Variants in MALRD1 observed in about 807,000 individuals in gnomAD.
MALRD1 encodes MAM and LDL receptor class A domain containing 1.
In MALRD1, 247 loss-of-function variants were observed where a neutral mutation model predicts 242.1. The ratio of observed to expected loss-of-function variants is 1.02; its 90% CI spans 0.92 to 1.13. MALRD1 has a LOEUF of 1.13. Among genes scored for constraint, MALRD1 ranks in the 50% most tolerant of loss-of-function variants. MALRD1 has a pLI of 0.00. For synonymous variants in MALRD1, 995 were observed against 866.6 expected (o/e 1.15, Z -2.60); for missense variants, 2,989 against 2,533.1 (o/e 1.18, Z -3.86).
chr10:19,705,704 C>T (rs1419520702), intron 38 of MALRD1, among the ~76,000 whole-genome samples: 2 of 149,536 alleles, frequency 1.3e-5, no homozygotes, highest in Non-Finnish European at 2.9e-5. Flanking sequence ...TCCTCCTCCT[C>T]CTCCTTTTTT....
chr10:19,161,918 C>T (rs1402046795), intron 12 of MALRD1, among the ~76,000 whole-genome samples: 7 of 152,082 alleles, frequency 4.6e-5, no homozygotes, highest in Non-Finnish European at 8.8e-5. Context: ...GTCCCAGCTA[C>T]TCTGGAGGCT....
At chr10:19,291,179 C>T (rs1291779195) in intron 21 of MALRD1, among the ~76,000 whole-genome samples, 3 of 151,764 alleles carry the variant, frequency 2.0e-5, no homozygotes, top group African/African-American at 7.3e-5. Flanking sequence ...AAAATTATTC[C>T]CTTAAGCAAA....
At chr10:19,125,214 G>C (rs12269132) in intron 7 of MALRD1, among the ~76,000 whole-genome samples, 15,312 of 151,816 alleles carry the variant, frequency 0.1, 1,572 homozygotes, top group East Asian at 0.3. Flanking sequence ...CTGAAGTGCT[G>C]AGATTACAGG....
intron 26 of MALRD1, among the ~76,000 whole-genome samples, chr10:19,355,858 T>TATATATATATTATATATATATATA (rs57813656): frequency 2.1e-5 from 2 of 94,924 alleles, no homozygotes; most frequent in African/African-American, 3.7e-5. Context: ...TATATATATA[T>TATATATATATTATATATATATATA]TATATATGAT....
intron 18 of MALRD1, among the ~76,000 whole-genome samples, chr10:19,231,409 T>C (rs1201758719): frequency 6.6e-6 from 1 of 152,198 alleles, no homozygotes; most frequent in Non-Finnish European, 1.5e-5. Context: ...AGGTTTTCAT[T>C]AGGTTCTGGA....
intron 18 of MALRD1, among the ~76,000 whole-genome samples, chr10:19,211,752 A>G (rs1434391204): frequency 7.0e-6 from 1 of 143,670 alleles, no homozygotes; most frequent in Non-Finnish European, 1.5e-5. Context: ...TTTAAGGAAC[A>G]GGATATTTTT....
At chr10:19,148,100 G>A (rs1833789930) in intron 11 of MALRD1, among the ~76,000 whole-genome samples, 1 of 152,180 alleles carries the variant, frequency 6.6e-6, no homozygotes, top group Admixed American at 6.5e-5. Flanking sequence ...CTAAAGGGCT[G>A]TTGTGTCTGA....
intron 18 of MALRD1, among the ~76,000 whole-genome samples, chr10:19,235,578 C>CAGAG (rs34117417): frequency 0.079 from 10,454 of 132,266 alleles, 457 homozygotes; most frequent in African/African-American, 0.1. Flanking sequence ...CCCACACCCA[C>CAGAG]AGAGAGAGAG....
At chr10:19,613,405 G>C (rs1838991427) in intron 35 of MALRD1, among the ~76,000 whole-genome samples, 1 of 151,892 alleles carries the variant, frequency 6.6e-6, no homozygotes. Context: ...CCCCCTCAGT[G>C]AAAGAAACCA....
intron 18 of MALRD1, among the ~76,000 whole-genome samples, chr10:19,235,571 A>C (rs970539352): frequency 1.6e-5 from 2 of 126,556 alleles, no homozygotes; most frequent in Non-Finnish European, 3.2e-5. Context: ...ACCCACACCC[A>C]CACCCACAGA....
chr10:19,401,083 A>G (rs1262728905), intron 28 of MALRD1, among the ~76,000 whole-genome samples: 1 of 152,106 alleles, frequency 6.6e-6, no homozygotes, highest in Non-Finnish European at 1.5e-5. Context: ...GAGAGAATAC[A>G]CAAAGGAAGA....
intron 25 of MALRD1, among the ~76,000 whole-genome samples, chr10:19,351,631 C>T (rs895254834): frequency 6.6e-6 from 1 of 152,116 alleles, no homozygotes; most frequent in South Asian, 2.1e-4. Flanking sequence ...CCTGTTATTT[C>T]TTAATCATGA....
At chr10:19,144,556 A>G (rs760345427) in intron 10 of MALRD1, among the ~76,000 whole-genome samples, 3 of 152,230 alleles carry the variant, frequency 2.0e-5, no homozygotes, top group Non-Finnish European at 4.4e-5. Context: ...TTTGATTATT[A>G]AGATATAGTG....
intron 31 of MALRD1, 84 bp from the exon 32 acceptor site, chr10:19,531,110 A>G: frequency 8.7e-7 from 1 of 1,152,960 alleles, no homozygotes. Context: ...AAGGATAAAA[A>G]GATATCTGTT....
intron 18 of MALRD1, among the ~76,000 whole-genome samples, chr10:19,211,717 A>G (rs982906460): frequency 8.0e-6 from 1 of 125,156 alleles, no homozygotes; most frequent in Non-Finnish European, 1.7e-5. Flanking sequence ...AAAAAAAAAA[A>G]AGGTTGGGCA....
intron 18 of MALRD1, among the ~76,000 whole-genome samples, chr10:19,224,865 G>A (rs1241274388): frequency 6.6e-6 from 1 of 152,086 alleles, no homozygotes; most frequent in Non-Finnish European, 1.5e-5. Context: ...CTCAATTTTG[G>A]CTTTTGTTGC....
chr10:19,387,403 C>T, intron 26 of MALRD1, 125 bp from the exon 27 acceptor site: 1 of 1,181,822 alleles, frequency 8.5e-7, no homozygotes, highest in Non-Finnish European at 1.2e-6. Flanking sequence ...GGTTCAGGTA[C>T]CTCAAATTCC....
chr10:19,659,725 T>A (rs771122282), intron 36 of MALRD1, among the ~76,000 whole-genome samples: 1 of 152,206 alleles, frequency 6.6e-6, no homozygotes, highest in South Asian at 2.1e-4. Flanking sequence ...CTCATTTTTT[T>A]ATATAAAGTC....
chr10:19,723,139 A>T (rs550080646), intron 38 of MALRD1, among the ~76,000 whole-genome samples: 82 of 152,310 alleles, frequency 5.4e-4, no homozygotes, highest in African/African-American at 1.7e-3. Context: ...ATATTGTCTG[A>T]CATCTTAGAA....
Sources: allele counts gnomAD v4.1 joint callset (sites outside exome capture counted in the v4.1 genomes callset), GRCh38; gene constraint gnomAD v4.1.1; transcripts MANE v1.5; gene names NCBI Gene and HGNC (gene_info 2026-07-23, HGNC 2026-07-21).